Variants in ARHGEF33 observed in about 807,000 individuals in gnomAD.
ARHGEF33 encodes Rho guanine nucleotide exchange factor 33, also known as DH and coiled-coil domain-containing protein ENSP00000381780.
Under a neutral mutation model 101.9 loss-of-function variants are expected in ARHGEF33, and 72 were observed. That is an observed-to-expected ratio of 0.71 (90% CI 0.58 to 0.86). The LOEUF (loss-of-function observed/expected upper bound fraction) is 0.86, where lower values mean the gene tolerates loss of function less well. ARHGEF33 is among the 40% of genes least tolerant of loss of function. ARHGEF33 has a pLI of 0.00. For missense variants in ARHGEF33, 1,169 were observed against 1,111.3 expected (o/e 1.05, Z -0.74); for synonymous variants, 499 against 442.5 (o/e 1.13, Z -1.60).
At chr2:38,900,685 G>A (rs984729647) in intron 2 of ARHGEF33, among the ~76,000 whole-genome samples, 1 of 152,154 alleles carries the variant, frequency 6.6e-6, no homozygotes, top group Admixed American at 6.5e-5. Flanking sequence ...AGTCCCATAG[G>A]ATATGGGGAG....
intron 9 of ARHGEF33, among the ~76,000 whole-genome samples, chr2:38,941,781 G>A (rs183651478): frequency 2.0e-5 from 3 of 152,094 alleles, no homozygotes; most frequent in South Asian, 4.1e-4. Context: ...TCCTGACCTC[G>A]TGATCCGCCC....
In ARHGEF33 at chr2:38,921,228, A is replaced by G. The variant is rs1666748916; in HGVS notation, c.26-146A>G. 8 of 615,666 alleles carry G rather than the reference A, an allele frequency of 1.3e-5. No individual in the cohort carries two copies. The East Asian group carries it at 2.2e-4, about 17-fold the overall frequency. The allele number at this position is 615,666 out of a possible 1,614,324, so 38.1% of individuals were successfully genotyped here. A position where few individuals can be genotyped will look rare whatever the true frequency, so the allele number is the denominator to read the frequency against. On this transcript the variant is annotated intron_variant, in intron 3 of 17. Transcript: ENST00000409978. Reference sequence around the variant, plus strand: ...ATATGGACACCACCTACTTCAGCTCATTTTTTGTTCCCCTGGAATCATTGG... The same window carrying G: ...ATATGGACACCACCTACTTCAGCTCGTTTTTTGTTCCCCTGGAATCATTGG...
At position 38,960,098 on chromosome 2, in the gene ARHGEF33, C is replaced by A. The variant is rs1239672603; in HGVS notation, c.1793C>A (p.Pro598Gln). The A allele has an allele frequency of 1.9e-6, 3 of 1,541,852 alleles. No homozygotes were observed. Among genetic ancestry groups the A allele is most frequent in the Non-Finnish European group, 2.6e-6 (3 of 1,144,870 alleles). The change falls in exon 16 of 18, where the codon CCG becomes CAG. Residue 598 changes from proline to glutamine, a missense_variant. Transcript: ENST00000409978. ...LGNVERSLRAPAELLPDARGF... is the reference protein window; with the variant it reads ...LGNVERSLRAQAELLPDARGF... ...AACGTGGAGCGCTCCCTGCGCGCCCCGGCCGAGCTCCTGCCCGATGCCCGC... is the reference window on the plus strand; with the variant it reads ...AACGTGGAGCGCTCCCTGCGCGCCCAGGCCGAGCTCCTGCCCGATGCCCGC...
Position 38,960,126 on chromosome 2 carries a change from C to T in ARHGEF33, c.1821C>T (p.Gly607=). 6.5e-7 allele frequency: 1 copy of T among 1,542,446 alleles called. No homozygotes were observed. The highest frequency in any genetic ancestry group is 8.7e-7 in the Non-Finnish European group (1 of 1,145,434). ...CCGAGCTCCTGCCCGATGCCCGCGG[C>T]TTCGTGCCCGCGGCCTACGAAGAGT... ...APAELLPDAR[G]FVPAAYEEFE... is the part of the protein sequence containing the mutation. The change falls in exon 16 of 18, where the codon GGC becomes GGT. Residue 607 remains glycine, a synonymous_variant. Coordinates refer to ENST00000409978, the MANE Select transcript of ARHGEF33 (RefSeq NM_001145451.5).
chr2:38,959,284 T>C (rs1209281929), intron 15 of ARHGEF33: 1 of 152,254 alleles, frequency 6.6e-6, no homozygotes, highest in East Asian at 1.9e-4. Context: ...TTATATAGCA[T>C]GCTTTACAGT....
chr2:38,931,076 C>G (rs902274912), intron 6 of ARHGEF33, 33 bp from the exon 7 acceptor site: 10 of 1,516,790 alleles, frequency 6.6e-6, no homozygotes, highest in African/African-American at 2.8e-5. Context: ...TATTAAGAAC[C>G]AGAATAGCCT....
chr2:38,961,376 C>T (rs1268542000), intron 16 of ARHGEF33, among the ~76,000 whole-genome samples: 1 of 152,098 alleles, frequency 6.6e-6, no homozygotes, highest in Non-Finnish European at 1.5e-5. Flanking sequence ...TGCAGGTCTA[C>T]AGGTGTTTGA....
chr2:38,963,586 A>G (rs909675616), intron 16 of ARHGEF33, among the ~76,000 whole-genome samples: 1 of 152,224 alleles, frequency 6.6e-6, no homozygotes, highest in African/African-American at 2.4e-5. Flanking sequence ...AGTAGGCTTT[A>G]TAAAGTATGA....
At chr2:38,890,672 T>A (rs1379807152) in intron 1 of ARHGEF33, among the ~76,000 whole-genome samples, 1 of 152,228 alleles carries the variant, frequency 6.6e-6, no homozygotes, top group Non-Finnish European at 1.5e-5. Flanking sequence ...AATAGTATTC[T>A]GAATATGTAG....
chr2:38,900,899 TC>T (rs1264862499), intron 2 of ARHGEF33, among the ~76,000 whole-genome samples: 1 of 152,104 alleles, frequency 6.6e-6, no homozygotes, highest in African/African-American at 2.4e-5. Context: ...AAGAGGAGGC[TC>T]CCGAGAGCAG....
In ARHGEF33 at chr2:38,960,774, A is replaced by T. The variant is rs1022423477; in HGVS notation, c.2343+126A>T. ...GGCCAGGCTAGGGGGCGGCTGCGCG[A>T]GCCGTCGGCGGGTGGAGGCGGAGGG... is the stretch of plus-strand genomic sequence containing the variant. On this transcript the variant is annotated intron_variant, in intron 16 of 17. Transcript: ENST00000409978. 4 of 813,554 alleles carry T rather than the reference A, an allele frequency of 4.9e-6. No individual in the cohort carries two copies. The African/African-American group carries it at 7.5e-5, about 15-fold the overall frequency. 50.4% of individuals were successfully genotyped at this position (813,554 alleles called of 1,614,324 possible). A position where few individuals can be genotyped will look rare whatever the true frequency, so the allele number is the denominator to read the frequency against.
chr2:38,900,028 A>C (rs1169524625), intron 2 of ARHGEF33, among the ~76,000 whole-genome samples: 1 of 25,420 alleles, frequency 3.9e-5, no homozygotes, highest in Non-Finnish European at 1.3e-4. Context: ...CACTTCTACA[A>C]AAAAAAAATT....
At chr2:38,970,569 A>G (rs984018336) in intron 17 of ARHGEF33, among the ~76,000 whole-genome samples, 3 of 152,222 alleles carry the variant, frequency 2.0e-5, no homozygotes, top group Non-Finnish European at 4.4e-5. Flanking sequence ...TTAATTACAA[A>G]TGTTTCTCAA....
intron 10 of ARHGEF33, among the ~76,000 whole-genome samples, chr2:38,948,784 A>C (rs1667516020): frequency 6.6e-6 from 1 of 152,122 alleles, no homozygotes; most frequent in South Asian, 2.1e-4. Flanking sequence ...TTGCACCTAG[A>C]TCTTTGGCTG....
chr2:38,950,933 G>C, intron 10 of ARHGEF33, 56 bp from the exon 11 acceptor site: 1 of 1,506,568 alleles, frequency 6.6e-7, no homozygotes, highest in Admixed American at 2.2e-5. Flanking sequence ...TATTTTTGTA[G>C]GGTCCTTTCT....
chr2:38,933,726 A>G (rs1449812280), intron 7 of ARHGEF33, among the ~76,000 whole-genome samples: 1 of 152,114 alleles, frequency 6.6e-6, no homozygotes, highest in African/African-American at 2.4e-5. Context: ...TTTTTCTGTC[A>G]TATTCTATTC....
rs202094481 is a variant in ARHGEF33, at chr2:38,929,690, A to G, written c.241-19A>G. ...TACCCCATGTACCACGTTAAAACAT[A>G]GCAATTCTTATTTTTTAGGAAGAGC... is the stretch of plus-strand genomic sequence containing the variant. On this transcript the variant is annotated intron_variant, in intron 5 of 17. Coordinates refer to ENST00000409978, the MANE Select transcript of ARHGEF33 (RefSeq NM_001145451.5). 1,301 of 1,549,862 alleles carry G rather than the reference A, an allele frequency of 8.4e-4. 1 individual carries two copies. Among genetic ancestry groups the G allele is most frequent in the Non-Finnish European group, 9.6e-4 (1,104 of 1,145,390 alleles).
At chr2:38,935,111 C>G (rs1667100354) in intron 7 of ARHGEF33, among the ~76,000 whole-genome samples, 2 of 151,036 alleles carry the variant, frequency 1.3e-5, no homozygotes, top group South Asian at 2.1e-4. Flanking sequence ...GCTGTATGAT[C>G]ATTATAAGGG....
chr2:38,928,406 A>C (rs1251819500), intron 4 of ARHGEF33, among the ~76,000 whole-genome samples: 2 of 152,198 alleles, frequency 1.3e-5, no homozygotes, highest in African/African-American at 2.4e-5. Flanking sequence ...TTTTAAAAAA[A>C]ACCTTCTTTC....
Sources: allele counts gnomAD v4.1 joint callset (sites outside exome capture counted in the v4.1 genomes callset), GRCh38; gene constraint gnomAD v4.1.1; transcripts MANE v1.5; gene names NCBI Gene and HGNC (gene_info 2026-07-23, HGNC 2026-07-21).